RYR2: variants seen among roughly 807,000 people sequenced by gnomAD.
RYR2 encodes the protein ryanodine receptor 2.
In RYR2, 227 loss-of-function variants were observed where a neutral mutation model predicts 601.1. The ratio of observed to expected loss-of-function variants is 0.38; its 90% CI spans 0.34 to 0.42. The LOEUF is 0.42. Among genes scored for constraint, RYR2 ranks in the 10% least tolerant of loss-of-function variants. The pLI, the probability that RYR2 is intolerant of heterozygous loss-of-function variation, is 1.00. For missense variants in RYR2, 4,646 were observed against 6,156.5 expected (o/e 0.75, Z 8.21); for synonymous variants, 2,223 against 2,175.1 (o/e 1.02, Z -0.61).
intron 17 of RYR2, among the ~76,000 whole-genome samples, chr1:237,488,318 A>G (rs113950800): frequency 6.6e-6 from 1 of 152,206 alleles, no homozygotes; most frequent in Non-Finnish European, 1.5e-5. Context: ...TCACAGTTCT[A>G]GATTCTGGGA....
chr1:237,161,760 GA>G (rs34079646), intron 1 of RYR2, among the ~76,000 whole-genome samples: 2 of 152,108 alleles, frequency 1.3e-5, no homozygotes, highest in African/African-American at 4.8e-5. Flanking sequence ...ATACAGTGAT[GA>G]AAAAAGACCT....
intron 3 of RYR2, among the ~76,000 whole-genome samples, chr1:237,335,765 CATTT>C (rs937848785): frequency 6.6e-5 from 10 of 152,114 alleles, no homozygotes; most frequent in African/African-American, 2.2e-4. Context: ...AATAGATTAA[CATTT>C]ATAATTCAGG....
rs192337888 is a variant in RYR2, at chr1:237,148,799, C to A, written c.48+106230C>A. Among the ~76,000 whole-genome samples, 433 of 152,014 alleles carry A rather than the reference C, an allele frequency of 2.8e-3. 4 individuals carry two copies. Among genetic ancestry groups the A allele is most frequent in the African/African-American group, 0.01 (415 of 41,488 alleles). Reference sequence around the variant, plus strand: ...TTATACCGACTTCGTAGGATTGTTACCAAGTGTCTAGTACACAGTAGGCAT... The same window carrying A: ...TTATACCGACTTCGTAGGATTGTTAACAAGTGTCTAGTACACAGTAGGCAT... On this transcript the variant is annotated intron_variant, in intron 1 of 104. Coordinates refer to ENST00000366574, the MANE Select transcript of RYR2 (RefSeq NM_001035.3).
intron 29 of RYR2, among the ~76,000 whole-genome samples, chr1:237,584,982 C>T (rs1335856673): frequency 1.3e-5 from 2 of 152,048 alleles, no homozygotes; most frequent in Non-Finnish European, 2.9e-5. Flanking sequence ...CTCAAGCGAG[C>T]CTCCTGCCTC....
intron 32 of RYR2, among the ~76,000 whole-genome samples, chr1:237,592,632 CA>C (rs199976169): frequency 0.021 from 1,946 of 91,788 alleles, 36 homozygotes; most frequent in East Asian, 0.05. Flanking sequence ...GACTCTGTCT[CA>C]AAAAAAAAAA....
At chr1:237,072,935 G>A (rs1362545606) in intron 1 of RYR2, among the ~76,000 whole-genome samples, 7 of 125,790 alleles carry the variant, frequency 5.6e-5, no homozygotes, top group South Asian at 2.9e-4. Flanking sequence ...GCGACAGAGC[G>A]AGACTCCATC....
At chr1:237,331,806 G>A (rs778472344) in intron 3 of RYR2, among the ~76,000 whole-genome samples, 30 of 151,962 alleles carry the variant, frequency 2.0e-4, no homozygotes, top group Admixed American at 6.5e-4. Context: ...GAGCCACCGC[G>A]CCCAGCCCTG....
At chr1:237,341,182 T>C (rs1409879937) in intron 3 of RYR2, among the ~76,000 whole-genome samples, 1 of 152,184 alleles carries the variant, frequency 6.6e-6, no homozygotes, top group Non-Finnish European at 1.5e-5. Context: ...TTTGGACATC[T>C]TCCTCAGCTA....
At chr1:237,479,242 C>T (rs780155577) in intron 17 of RYR2, among the ~76,000 whole-genome samples, 2 of 152,196 alleles carry the variant, frequency 1.3e-5, no homozygotes, top group African/African-American at 4.8e-5. Flanking sequence ...GTATTTCACC[C>T]TACACATACT....
intron 12 of RYR2, among the ~76,000 whole-genome samples, chr1:237,440,203 A>T (rs1383022055): frequency 6.6e-6 from 1 of 152,170 alleles, no homozygotes; most frequent in Non-Finnish European, 1.5e-5. Context: ...TGACATGAAA[A>T]ATCTGTTAAA....
At position 237,742,277 on chromosome 1, in the gene RYR2, T is replaced by G; in HGVS notation, c.11092-19T>G. 1 of 1,508,476 alleles carries G rather than the reference T, an allele frequency of 6.6e-7. No individual in the cohort carries two copies. Among genetic ancestry groups the G allele is most frequent in the Non-Finnish European group, 8.9e-7 (1 of 1,123,552 alleles). 93.4% of individuals were successfully genotyped at this position (1,508,476 alleles called of 1,614,324 possible). On this transcript the variant is annotated intron_variant, in intron 79 of 104. Transcript: ENST00000366574. ...TCAACATATTCCTGTCTCCTTTTTT[T>G]TTTTTTTTAAATATACAGAGTTGTC...
At position 237,538,350 on chromosome 1, in the gene RYR2, G is replaced by A. The variant is rs191636401; in HGVS notation, c.2906+7840G>A. On this transcript the variant is annotated intron_variant, in intron 25 of 104. Coordinates refer to ENST00000366574, the MANE Select transcript of RYR2 (RefSeq NM_001035.3). ...GCGGAACTTTCAGTGAGCCGAGATC[G>A]TGCCACTGCACTCCAGCCTGGGTGA... Among the ~76,000 whole-genome samples, 607 of 119,514 alleles carry A rather than the reference G, an allele frequency of 5.1e-3. 4 individuals carry two copies. Among genetic ancestry groups the A allele is most frequent in the African/African-American group, 0.018 (564 of 30,714 alleles). The allele number at this position is 119,514 out of a possible 152,430, so 78.4% of individuals were successfully genotyped here.
chr1:237,709,179 A>G (rs755456503), intron 69 of RYR2, 81 bp downstream of exon 69: 3 of 1,278,198 alleles, frequency 2.3e-6, no homozygotes, highest in South Asian at 3.2e-5. Flanking sequence ...CAATCGCTTC[A>G]TTCACTATTT....
At position 237,156,471 on chromosome 1, in the gene RYR2, T is replaced by G. The variant is rs111435669; in HGVS notation, c.48+113902T>G. ...TTAAAGGAACCCGCTTAATTTTGCT[T>G]GATTCAATGTTCCCAAAGCTATTAA... On this transcript the variant is annotated intron_variant, in intron 1 of 104. Coordinates refer to ENST00000366574, the MANE Select transcript of RYR2 (RefSeq NM_001035.3). Among the ~76,000 whole-genome samples, 1,373 of 152,314 alleles carry G rather than the reference T, an allele frequency of 9.0e-3. 26 individuals are homozygous for G. Among genetic ancestry groups the G allele is most frequent in the African/African-American group, 0.031 (1,301 of 41,578 alleles).
At chr1:237,563,406 C>A (rs1225509604) in intron 27 of RYR2, among the ~76,000 whole-genome samples, 4 of 88,742 alleles carry the variant, frequency 4.5e-5, no homozygotes, top group African/African-American at 1.1e-4. Context: ...AGCAAAACTC[C>A]ATCTCAAAAA....
intron 13 of RYR2, among the ~76,000 whole-genome samples, chr1:237,441,786 G>A (rs910339742): frequency 2.6e-5 from 4 of 152,028 alleles, no homozygotes; most frequent in Non-Finnish European, 5.9e-5. Context: ...CTGTGACAAA[G>A]TCCGTTACTG....
At chr1:237,290,412 T>C in intron 2 of RYR2, among the ~76,000 whole-genome samples, 1 of 152,182 alleles carries the variant, frequency 6.6e-6, no homozygotes, top group South Asian at 2.1e-4. Context: ...ATAAAATAGA[T>C]GGAAGTGTCC....
chr1:237,245,192 G>A (rs968607678), intron 1 of RYR2, among the ~76,000 whole-genome samples: 1 of 151,784 alleles, frequency 6.6e-6, no homozygotes, highest in Non-Finnish European at 1.5e-5. Context: ...ACTCCAGCCT[G>A]TGTGACAGAG....
chr1:237,466,354 G>A (rs1328772247), intron 16 of RYR2, among the ~76,000 whole-genome samples: 1 of 152,058 alleles, frequency 6.6e-6, no homozygotes, highest in Non-Finnish European at 1.5e-5. Context: ...ATTTTGCACA[G>A]ACTGGGTCAT....
Sources: gnomAD v4.1 joint callset for allele counts (sites outside exome capture counted in the v4.1 genomes callset) on GRCh38, gnomAD v4.1.1 for gene constraint, MANE v1.5 for transcripts, NCBI Gene and HGNC (gene_info 2026-07-23, HGNC 2026-07-21) for gene names.